Variants in COLEC11 observed in about 807,000 individuals in gnomAD.
The protein encoded by COLEC11 is collectin subfamily member 11.
A neutral mutation model predicts 27.3 loss-of-function variants in COLEC11; 20 were observed. The ratio of observed to expected loss-of-function variants is 0.73; its 90% CI spans 0.51 to 1.06. The LOEUF is 1.06. Ranked by LOEUF, COLEC11 falls within the 50% of genes least tolerant of loss-of-function variation. The pLI is 0.00. For synonymous variants in COLEC11, 163 were observed against 154.7 expected (o/e 1.05, Z -0.40); for missense variants, 310 against 383.0 (o/e 0.81, Z 1.59).
intron 5 of COLEC11, among the ~76,000 whole-genome samples, chr2:3,642,461 C>T (rs1189645121): frequency 6.6e-6 from 1 of 152,166 alleles, no homozygotes; most frequent in Non-Finnish European, 1.5e-5. Context: ...TCTCATCAGG[C>T]CACTTGTGTT....
chr2:3,638,957 C>G (rs531524454), intron 4 of COLEC11, among the ~76,000 whole-genome samples: 1 of 152,356 alleles, frequency 6.6e-6, no homozygotes, highest in South Asian at 2.1e-4. Context: ...TCCCACTAAC[C>G]AGTGGCTCCC....
At chr2:3,628,204 A>G (rs1004552764) in intron 3 of COLEC11, among the ~76,000 whole-genome samples, 3 of 151,130 alleles carry the variant, frequency 2.0e-5, no homozygotes, top group African/African-American at 4.8e-5. Flanking sequence ...ATCCCAGTCT[A>G]TGGCCAAGGG....
At chr2:3,597,538 T>C (rs1661936008) in intron 1 of COLEC11, among the ~76,000 whole-genome samples, 1 of 152,178 alleles carries the variant, frequency 6.6e-6, no homozygotes. Context: ...CGGAGCCTGA[T>C]CTTTGTTGAA....
chr2:3,617,629 C>T, intron 3 of COLEC11: 1 of 1,612,198 alleles, frequency 6.2e-7, no homozygotes, highest in East Asian at 2.2e-5. Flanking sequence ...CTGTCTTCTT[C>T]AGTTTCGACT....
At chr2:3,628,651 G>A (rs190853584) in intron 3 of COLEC11, among the ~76,000 whole-genome samples, 121 of 152,362 alleles carry the variant, frequency 7.9e-4, no homozygotes, top group Non-Finnish European at 1.2e-3. Flanking sequence ...GGTGCGGTTG[G>A]ATGGCCTATT....
chr2:3,637,940 C>T (rs189969835), intron 4 of COLEC11, among the ~76,000 whole-genome samples: 2 of 152,322 alleles, frequency 1.3e-5, no homozygotes, highest in East Asian at 1.9e-4. Flanking sequence ...TAGAGCCTCA[C>T]GTAAGGAGCG....
chr2:3,625,324 G>A (rs1022799312), intron 3 of COLEC11, among the ~76,000 whole-genome samples: 11 of 152,156 alleles, frequency 7.2e-5, no homozygotes, highest in Non-Finnish European at 1.5e-4. Context: ...ACGGATGGAG[G>A]GTGAGCCTGA....
At chr2:3,633,143 C>T (rs751170264) in intron 3 of COLEC11, among the ~76,000 whole-genome samples, 5 of 152,202 alleles carry the variant, frequency 3.3e-5, no homozygotes, top group Non-Finnish European at 5.9e-5. Flanking sequence ...CCCACCCACA[C>T]AGCTCCTCCC....
intron 3 of COLEC11, among the ~76,000 whole-genome samples, chr2:3,620,240 C>T (rs748359273): frequency 1.3e-5 from 2 of 151,928 alleles, no homozygotes; most frequent in South Asian, 2.1e-4. Flanking sequence ...AGTCTCATTA[C>T]AGATCTGTTC....
intron 3 of COLEC11, among the ~76,000 whole-genome samples, chr2:3,626,413 C>A (rs1010363258): frequency 6.6e-6 from 1 of 151,996 alleles, no homozygotes; most frequent in Admixed American, 6.5e-5. Flanking sequence ...TTTTTCTGTA[C>A]CTGTAAAATG....
intron 1 of COLEC11, among the ~76,000 whole-genome samples, chr2:3,596,185 G>A (rs944169570): frequency 6.6e-6 from 1 of 152,152 alleles, no homozygotes; most frequent in African/African-American, 2.4e-5. Context: ...GCAGTCCCCA[G>A]TGAGAGGAAC....
At chr2:3,627,787 A>G (rs1015757888) in intron 3 of COLEC11, among the ~76,000 whole-genome samples, 1 of 151,690 alleles carries the variant, frequency 6.6e-6, no homozygotes, top group African/African-American at 2.4e-5. Context: ...GAATCTGGGC[A>G]CGACGATGCT....
chr2:3,631,376 G>A (rs1369698945), intron 3 of COLEC11, among the ~76,000 whole-genome samples: 1 of 152,220 alleles, frequency 6.6e-6, no homozygotes, highest in Non-Finnish European at 1.5e-5. Flanking sequence ...TCTCTTTGTG[G>A]AGGGCCAAAG....
At chr2:3,621,052 T>C (rs982910307) in intron 3 of COLEC11, among the ~76,000 whole-genome samples, 1 of 152,204 alleles carries the variant, frequency 6.6e-6, no homozygotes, top group Non-Finnish European at 1.5e-5. Context: ...CGGTCTAAAG[T>C]GTAGTTTATG....
intron 3 of COLEC11, among the ~76,000 whole-genome samples, chr2:3,631,846 C>T (rs577162243): frequency 6.6e-6 from 1 of 152,278 alleles, no homozygotes; most frequent in South Asian, 2.1e-4. Context: ...ACTGCTTGTC[C>T]TCCCACAGGA....
At chr2:3,615,118 T>TTCC (rs397795219) in intron 3 of COLEC11, among the ~76,000 whole-genome samples, 1 of 97,760 alleles carries the variant, frequency 1.0e-5, no homozygotes, top group African/African-American at 3.2e-5. Flanking sequence ...CTTTTTTTTT[T>TTCC]AAAGGGATTT....
At chr2:3,603,928 T>C (rs760238180) in intron 1 of COLEC11, 3 of 577,374 alleles carry the variant, frequency 5.2e-6, no homozygotes, top group Non-Finnish European at 9.2e-6. Context: ...TCAGCCTCCC[T>C]CCGCTGTGCC....
chr2:3,609,702 G>C (rs141852127), intron 2 of COLEC11, among the ~76,000 whole-genome samples: 62 of 152,256 alleles, frequency 4.1e-4, no homozygotes, highest in African/African-American at 1.5e-3. Context: ...GCTAATTTTT[G>C]TATTTTTAGT....
chr2:3,603,702 A>G (rs1662409953), intron 1 of COLEC11: 3 of 1,548,650 alleles, frequency 1.9e-6, no homozygotes, highest in African/African-American at 1.4e-5. Context: ...TCAGATGTCC[A>G]TGACACCCCT....
Sources: gnomAD v4.1 joint callset for allele counts (sites outside exome capture counted in the v4.1 genomes callset) on GRCh38, gnomAD v4.1.1 for gene constraint, MANE v1.5 for transcripts, NCBI Gene and HGNC (gene_info 2026-07-23, HGNC 2026-07-21) for gene names.